Variants in SLC9C1 observed in about 807,000 individuals in gnomAD.
SLC9C1 encodes solute carrier family 9 member C1.
In SLC9C1, 97 loss-of-function variants were observed where a neutral mutation model predicts 140.9. The ratio of observed to expected loss-of-function variants is 0.69; its 90% CI spans 0.58 to 0.82. The LOEUF is 0.82. Ranked by LOEUF, SLC9C1 falls within the 40% of genes least tolerant of loss-of-function variation. SLC9C1 has a pLI of 0.00. For missense variants in SLC9C1, 1,340 were observed against 1,389.3 expected, an observed-to-expected ratio of 0.96 and a Z score of 0.56; for synonymous variants, 440 against 442.6, an observed-to-expected ratio of 0.99 and a Z score of 0.07.
intron 10 of SLC9C1, among the ~76,000 whole-genome samples, chr3:112,246,397 C>G (rs916146553): frequency 6.6e-6 from 1 of 152,128 alleles, no homozygotes; most frequent in Non-Finnish European, 1.5e-5. Context: ...AAAACCCAGA[C>G]TTCTTGATAA....
chr3:112,195,082 C>T (rs2077741440), intron 20 of SLC9C1, among the ~76,000 whole-genome samples: 2 of 151,996 alleles, frequency 1.3e-5, no homozygotes, highest in African/African-American at 2.4e-5. Flanking sequence ...GGTCGTTTTA[C>T]TCTGTAATAG....
chr3:112,145,880 T>A (rs2074778370), intron 28 of SLC9C1, among the ~76,000 whole-genome samples: 1 of 152,118 alleles, frequency 6.6e-6, no homozygotes, highest in South Asian at 2.1e-4. Context: ...ATCTGATGAT[T>A]ATATAAGGGG....
chr3:112,166,996 T>C (rs963271044), intron 26 of SLC9C1, among the ~76,000 whole-genome samples: 3 of 152,306 alleles, frequency 2.0e-5, no homozygotes, highest in Admixed American at 6.5e-5. Flanking sequence ...TTCATATCAT[T>C]TTGATAATTA....
At chr3:112,262,761 A>G (rs938026143) in intron 10 of SLC9C1, among the ~76,000 whole-genome samples, 163 bp downstream of exon 10, 40 of 151,928 alleles carry the variant, frequency 2.6e-4, no homozygotes, top group Admixed American at 4.6e-4. Flanking sequence ...GGGGAGAAGG[A>G]AAGTTGCCAG....
chr3:112,172,715 T>C (rs547094198), intron 23 of SLC9C1, among the ~76,000 whole-genome samples: 28 of 152,230 alleles, frequency 1.8e-4, no homozygotes, highest in Non-Finnish European at 4.0e-4. Flanking sequence ...GGAAGTTGCA[T>C]TCTATTCTGA....
At chr3:112,184,540 G>T (rs1316239037) in intron 20 of SLC9C1, among the ~76,000 whole-genome samples, 4 of 151,922 alleles carry the variant, frequency 2.6e-5, no homozygotes, top group Non-Finnish European at 4.4e-5. Context: ...GAAGGCTGAG[G>T]CAGGAGATTC....
intron 26 of SLC9C1, among the ~76,000 whole-genome samples, chr3:112,162,009 G>A (rs1232702198): frequency 2.0e-5 from 3 of 152,048 alleles, no homozygotes; most frequent in Non-Finnish European, 2.9e-5. Context: ...TGGATTCCTA[G>A]GTATTTTATT....
At chr3:112,166,439 A>G (rs1385775109) in intron 26 of SLC9C1, among the ~76,000 whole-genome samples, 1 of 152,228 alleles carries the variant, frequency 6.6e-6, no homozygotes, top group Non-Finnish European at 1.5e-5. Context: ...AGAGCTCCAC[A>G]TGGCTGGGGA....
chr3:112,211,579 G>A (rs983517381), intron 15 of SLC9C1, among the ~76,000 whole-genome samples: 2 of 152,238 alleles, frequency 1.3e-5, no homozygotes, highest in African/African-American at 2.4e-5. Flanking sequence ...TGGCTCGGAG[G>A]GTCCCACGCC....
At chr3:112,276,284 T>C (rs2080211430) in intron 5 of SLC9C1, among the ~76,000 whole-genome samples, 1 of 151,998 alleles carries the variant, frequency 6.6e-6, no homozygotes, top group South Asian at 2.1e-4. Context: ...TGTAAGGGCA[T>C]AGGAGGAGTC....
intron 25 of SLC9C1, 57 bp downstream of exon 25, chr3:112,168,820 A>G: frequency 7.0e-7 from 1 of 1,427,812 alleles, no homozygotes; most frequent in East Asian, 2.3e-5. Context: ...TCTGACGTTA[A>G]TACATTGTTG....
chr3:112,269,291 G>A (rs138516203), intron 7 of SLC9C1, among the ~76,000 whole-genome samples: 1 of 152,110 alleles, frequency 6.6e-6, no homozygotes, highest in Non-Finnish European at 1.5e-5. Context: ...AAAAATTCTT[G>A]TAGACATGGG....
intron 10 of SLC9C1, among the ~76,000 whole-genome samples, chr3:112,262,714 T>G (rs2079809137): frequency 6.6e-6 from 1 of 151,766 alleles, no homozygotes; most frequent in Admixed American, 6.6e-5. Context: ...GATTGATAAG[T>G]TTTAATTACT....
chr3:112,246,421 G>C (rs2079286728), intron 10 of SLC9C1, among the ~76,000 whole-genome samples: 1 of 151,834 alleles, frequency 6.6e-6, no homozygotes, highest in Admixed American at 6.6e-5. Context: ...GTACTTAAAC[G>C]ATTTTCCAAG....
Position 112,158,828 on chromosome 3 carries a change from G to A in SLC9C1, c.3365-3779C>T, listed in dbSNP as rs191268306. Among the ~76,000 whole-genome samples the A allele has an allele frequency of 1.7e-3, 252 of 151,834 alleles. 1 individual carries two copies. Among genetic ancestry groups the A allele is most frequent in the African/African-American group, 5.9e-3 (244 of 41,488 alleles). The stretch of plus-strand genomic sequence containing the variant: ...TGTATAATTTTTCATAGTAGTCTAT[G>A]ATGATCCTTTGTATTTCTGTGGTAT... On this transcript the variant is annotated intron_variant, in intron 26 of 28. Transcript: ENST00000305815.
At chr3:112,190,356 T>C (rs1288698544) in intron 20 of SLC9C1, among the ~76,000 whole-genome samples, 3 of 152,184 alleles carry the variant, frequency 2.0e-5, no homozygotes, top group Admixed American at 6.5e-5. Context: ...TTCAGTATGA[T>C]AACTGGCTGT....
rs369701578 is a variant in SLC9C1 at position 112,158,910 on chromosome 3, T to C, written c.3365-3861A>G. The stretch of plus-strand genomic sequence containing the variant: ...TTTATTGATCTGGGGTTTATCTCTT[T>C]TTCTTAGTCTAGATAAGGTTTTGTT... On this transcript the variant is annotated intron_variant, in intron 26 of 28. Coordinates refer to ENST00000305815, the MANE Select transcript of SLC9C1 (RefSeq NM_183061.3). Among the ~76,000 whole-genome samples, 9 of 152,040 alleles carry C rather than the reference T, an allele frequency of 5.9e-5. No homozygotes were observed. In the East Asian group the frequency reaches 1.5e-3, roughly 26 times the overall value.
At chr3:112,165,258 G>A (rs555833153) in intron 26 of SLC9C1, among the ~76,000 whole-genome samples, 25 of 152,200 alleles carry the variant, frequency 1.6e-4, no homozygotes, top group Middle Eastern at 3.4e-3. Flanking sequence ...ATCTGAAGCC[G>A]TCTTCTCTCA....
intron 12 of SLC9C1, among the ~76,000 whole-genome samples, chr3:112,237,511 G>C (rs1413764758): frequency 6.6e-6 from 1 of 152,108 alleles, no homozygotes; most frequent in African/African-American, 2.4e-5. Flanking sequence ...GATGTTAGCT[G>C]GTTATTTTGC....
Sources: allele counts gnomAD v4.1 joint callset (sites outside exome capture counted in the v4.1 genomes callset), GRCh38; gene constraint gnomAD v4.1.1; transcripts MANE v1.5; gene names NCBI Gene and HGNC (gene_info 2026-07-23, HGNC 2026-07-21).